LAMA2: variants seen among roughly 807,000 people sequenced by gnomAD.
The protein encoded by LAMA2 is laminin subunit alpha 2.
LAMA2 carries 269 observed loss-of-function variants against 364.8 expected under a neutral mutation model. That is an observed-to-expected ratio of 0.74 (90% CI 0.67 to 0.82). LAMA2 has a LOEUF of 0.82. Ranked by LOEUF, LAMA2 falls within the 40% of genes least tolerant of loss-of-function variation. The probability of loss-of-function intolerance (pLI) is 0.00; values close to 1 mark genes in which losing one functional copy is unlikely to be tolerated. For synonymous variants in LAMA2, 1,379 were observed against 1,370.6 expected, an observed-to-expected ratio of 1.01 and a Z score of -0.14; for missense variants, 3,807 against 3,873.2, an observed-to-expected ratio of 0.98 and a Z score of 0.45.
intron 33 of LAMA2, among the ~76,000 whole-genome samples, chr6:129,367,367 C>CT (rs1460880724): frequency 6.6e-6 from 1 of 152,162 alleles, no homozygotes; most frequent in African/African-American, 2.4e-5. Flanking sequence ...AATGTAGATT[C>CT]TATGTGCTTT....
In LAMA2 at chr6:129,236,496, T is replaced by G. The variant is rs189273351; in HGVS notation, c.1783-13616T>G. Among the ~76,000 whole-genome samples, 245 of 152,314 alleles carry G rather than the reference T, an allele frequency of 1.6e-3. 1 individual carries two copies. The highest frequency in any genetic ancestry group is 2.9e-3 in the Non-Finnish European group (199 of 68,022). ...AGAGCACCCCTTATAAAACACTTTT[T>G]GCTTTGTTATGTTTCATTTTGCAGG... On this transcript the variant is annotated intron_variant, in intron 12 of 64. Coordinates refer to ENST00000421865, the MANE Select transcript of LAMA2 (RefSeq NM_000426.4).
At chr6:129,132,718 AT>A (rs201200054) in intron 4 of LAMA2, among the ~76,000 whole-genome samples, 3 of 151,778 alleles carry the variant, frequency 2.0e-5, no homozygotes, top group South Asian at 2.1e-4. Flanking sequence ...TGTCATTTAC[AT>A]TTTTTTTAAC....
chr6:129,096,375 G>C (rs1324792354), intron 3 of LAMA2, among the ~76,000 whole-genome samples: 2 of 151,980 alleles, frequency 1.3e-5, no homozygotes, highest in Non-Finnish European at 2.9e-5. Flanking sequence ...AGCAGAATAC[G>C]GGATGGAAAA....
intron 1 of LAMA2, among the ~76,000 whole-genome samples, chr6:128,893,851 A>G (rs1385999088): frequency 1.3e-5 from 2 of 152,106 alleles, no homozygotes; most frequent in Non-Finnish European, 2.9e-5. Context: ...TATGAAAAAT[A>G]ATTTTATATC....
At chr6:129,468,607 A>G (rs1382959584) in intron 51 of LAMA2, among the ~76,000 whole-genome samples, 6 of 151,982 alleles carry the variant, frequency 3.9e-5, no homozygotes, top group African/African-American at 1.4e-4. Flanking sequence ...TGCAATCTCA[A>G]TAGATGACAA....
chr6:129,510,678 A>G (rs1299599044), intron 62 of LAMA2, among the ~76,000 whole-genome samples: 1 of 152,096 alleles, frequency 6.6e-6, no homozygotes, highest in Non-Finnish European at 1.5e-5. Flanking sequence ...GTAGATACTT[A>G]GAAAAAAAGA....
At chr6:129,328,958 A>T (rs780444967) in intron 29 of LAMA2, among the ~76,000 whole-genome samples, 1 of 152,188 alleles carries the variant, frequency 6.6e-6, no homozygotes, top group African/African-American at 2.4e-5. Context: ...TGGATGTCCC[A>T]TAATTTACCC....
intron 40 of LAMA2, among the ~76,000 whole-genome samples, chr6:129,420,386 C>T (rs1454117891): frequency 2.6e-5 from 4 of 152,020 alleles, no homozygotes; most frequent in South Asian, 2.1e-4. Flanking sequence ...AGCCAGTCAC[C>T]AACCCTTACA....
At chr6:129,048,493 TTTCCTTCCTTCC>T (rs1300484688) in intron 1 of LAMA2, among the ~76,000 whole-genome samples, 38 of 51,346 alleles carry the variant, frequency 7.4e-4, no homozygotes, top group Admixed American at 1.3e-3. Flanking sequence ...TCTTTCTTTC[TTTCCTTCCTTCC>T]TTCCTTCCTT....
chr6:129,377,301 A>G (rs1583607483), intron 34 of LAMA2, among the ~76,000 whole-genome samples: 1 of 152,228 alleles, frequency 6.6e-6, no homozygotes, highest in East Asian at 1.9e-4. Context: ...TTAAGTGCCA[A>G]TATTATAAGT....
intron 3 of LAMA2, among the ~76,000 whole-genome samples, chr6:129,088,974 G>A (rs557875427): frequency 1.4e-5 from 2 of 145,586 alleles, no homozygotes; most frequent in South Asian, 2.3e-4. Flanking sequence ...GCTGGGAGGT[G>A]GAGGTTGTAG....
chr6:129,291,504 G>T (rs762791546), intron 19 of LAMA2, 110 bp from the exon 20 acceptor site: 33 of 769,730 alleles, frequency 4.3e-5, no homozygotes, highest in Non-Finnish European at 7.1e-5. Flanking sequence ...AAAACATTCT[G>T]TTACTGAACT....
intron 12 of LAMA2, among the ~76,000 whole-genome samples, chr6:129,228,845 A>T (rs1273656133): frequency 6.6e-6 from 1 of 152,214 alleles, no homozygotes; most frequent in Non-Finnish European, 1.5e-5. Context: ...CTCTCAGCTA[A>T]TCCATTATAT....
chr6:129,515,719 T>A (rs1414582397), intron 64 of LAMA2, among the ~76,000 whole-genome samples: 1 of 152,240 alleles, frequency 6.6e-6, no homozygotes, highest in East Asian at 1.9e-4. Flanking sequence ...AATTTGTTCA[T>A]CCCAAACCAA....
intron 1 of LAMA2, among the ~76,000 whole-genome samples, chr6:128,976,189 A>G (rs955472286): frequency 8.5e-5 from 13 of 152,184 alleles, no homozygotes; most frequent in Admixed American, 8.5e-4. Flanking sequence ...AGCATTAGAT[A>G]TAGAGAGTGG....
intron 41 of LAMA2, among the ~76,000 whole-genome samples, 174 bp from the exon 42 acceptor site, chr6:129,438,470 AAC>A (rs1272745090): frequency 6.6e-6 from 1 of 151,964 alleles, no homozygotes; most frequent in East Asian, 1.9e-4. Flanking sequence ...TGATAATAAA[AAC>A]ACATATTTTT....
intron 1 of LAMA2, among the ~76,000 whole-genome samples, chr6:129,041,353 A>T (rs1043492262): frequency 6.6e-6 from 1 of 152,228 alleles, no homozygotes; most frequent in African/African-American, 2.4e-5. Flanking sequence ...GGAAAACTGT[A>T]CAAGAGAAAT....
intron 3 of LAMA2, among the ~76,000 whole-genome samples, chr6:129,070,250 G>A (rs1336935510): frequency 6.6e-6 from 1 of 152,132 alleles, no homozygotes; most frequent in Admixed American, 6.5e-5. Context: ...ATAGCACACT[G>A]CTGCACTTTA....
chr6:129,255,474 C>G (rs945606356), intron 14 of LAMA2, among the ~76,000 whole-genome samples: 2 of 147,370 alleles, frequency 1.4e-5, no homozygotes, highest in Admixed American at 6.7e-5. Context: ...GTCAGCTGCC[C>G]TAACAGTCAC....
Sources: allele counts gnomAD v4.1 joint callset (sites outside exome capture counted in the v4.1 genomes callset), GRCh38; gene constraint gnomAD v4.1.1; transcripts MANE v1.5; gene names NCBI Gene and HGNC (gene_info 2026-07-23, HGNC 2026-07-21).